RANBP2: variants seen among roughly 807,000 people sequenced by gnomAD.
RANBP2 encodes the protein E3 SUMO-protein ligase RanBP2.
RANBP2 carries 57 observed loss-of-function variants against 303.6 expected under a neutral mutation model. That is an observed-to-expected ratio of 0.19 (90% CI 0.15 to 0.23). The LOEUF (loss-of-function observed/expected upper bound fraction) is 0.23. Ranked by LOEUF, RANBP2 falls within the 10% of genes least tolerant of loss-of-function variation. The pLI is 1.00. For synonymous variants in RANBP2, 1,167 were observed against 1,301.5 expected, an observed-to-expected ratio of 0.90 and a Z score of 2.23; for missense variants, 3,138 against 3,780.8, an observed-to-expected ratio of 0.83 and a Z score of 4.46.
At chr2:109,216,918 ATT>A in the RANBP2 span, among the ~76,000 whole-genome samples, 4 of 151,680 alleles carry the variant, frequency 2.6e-5, no homozygotes, top group African/African-American at 9.7e-5. Context: ...CCAAACCGAA[ATT>A]CTGTCCCCAT....
chr2:108,982,349 C>T, the RANBP2 span, among the ~76,000 whole-genome samples: 67,695 of 152,118 alleles, frequency 0.45, 17,665 homozygotes, highest in South Asian at 0.6. Context: ...TGGTGGGAGG[C>T]TGTCCTGCCA....
the RANBP2 span, among the ~76,000 whole-genome samples, chr2:109,021,495 C>T: frequency 6.9e-6 from 1 of 145,404 alleles, no homozygotes; most frequent in East Asian, 2.1e-4. Flanking sequence ...TGCCCTCCAG[C>T]CTGGGCGACA....
chr2:108,781,559 T>TCA, intron 26 of RANBP2, 130 bp downstream of exon 26: 3 of 808,976 alleles, frequency 3.7e-6, no homozygotes, highest in Non-Finnish European at 5.9e-6. Flanking sequence ...AAGCTCTATT[T>TCA]ATTAGATGTC....
the RANBP2 span, among the ~76,000 whole-genome samples, chr2:109,688,211 G>A: frequency 1.3e-5 from 2 of 152,142 alleles, no homozygotes; most frequent in Non-Finnish European, 2.9e-5. Context: ...GGCAACAGCA[G>A]GAAAGGCCCT....
chr2:109,423,613 G>A, the RANBP2 span, among the ~76,000 whole-genome samples: 1 of 152,180 alleles, frequency 6.6e-6, no homozygotes, highest in East Asian at 1.9e-4. Context: ...ATAAGTCCCT[G>A]CCAGGCTTGG....
Position 108,777,346 on chromosome 2 carries a change from A to AGGT in RANBP2, c.8599+116_8599+117insGTG. On this transcript the variant is annotated intron_variant, in intron 25 of 28. Coordinates refer to ENST00000283195, the MANE Select transcript of RANBP2 (RefSeq NM_006267.5). Reference sequence around the variant, plus strand: ...TTAGAAGTTTCTTCCCTTACCCCCCAGTTTGTTTTAGTGTTTTAATAATGA... The same window carrying AGGT: ...TTAGAAGTTTCTTCCCTTACCCCCCAGGTGTTTGTTTTAGTGTTTTAATAATGA... 2 of 715,148 alleles carry AGGT rather than the reference A, an allele frequency of 2.8e-6. 1 individual carries two copies. Among genetic ancestry groups the AGGT allele is most frequent in the African/African-American group, 6.1e-5 (2 of 32,758 alleles). The allele number at this position is 715,148 out of a possible 1,614,324, so 44.3% of individuals were successfully genotyped here. A position where few individuals can be genotyped will look rare whatever the true frequency, so the allele number is the denominator to read the frequency against.
At chr2:108,834,549 A>G in the RANBP2 span, among the ~76,000 whole-genome samples, 1 of 152,216 alleles carries the variant, frequency 6.6e-6, no homozygotes, top group South Asian at 2.1e-4. Context: ...GTATTGTCAA[A>G]TAGTTGACAT....
At position 108,764,860 on chromosome 2, in the gene RANBP2, A is replaced by T. The variant is rs1201854711; in HGVS notation, c.4321A>T (p.Thr1441Ser). The change falls in exon 20 of 29, where the codon ACA (threonine) becomes TCA (serine). Residue 1441 changes from threonine to serine, a missense_variant. Thr to Ser is a moderately conservative substitution (Grantham distance 58, BLOSUM62 1). Around this residue, in one of 20 missense-constraint regions of RANBP2, gnomAD observed 388 missense variants for 328.5 expected, o/e 1.18. Coordinates refer to ENST00000283195, the MANE Select transcript of RANBP2 (RefSeq NM_006267.5). Reference protein sequence around the residue: ...TVSRCIACQNTKSANKSGSSF... With the variant: ...TVSRCIACQNSKSANKSGSSF... ...ATCTAGGTGCATTGCGTGTCAGAAT[A>T]CAAAATCTGCTAACAAAAGTGGATC... The T allele has an allele frequency of 6.2e-7, 1 of 1,613,928 alleles. No individual in the cohort carries two copies. The highest frequency in any genetic ancestry group is 2.2e-5 in the East Asian group (1 of 44,890).
At chr2:109,121,681 T>G in the RANBP2 span, among the ~76,000 whole-genome samples, 1 of 152,250 alleles carries the variant, frequency 6.6e-6, no homozygotes, top group Admixed American at 6.5e-5. Flanking sequence ...GGGAAAGACT[T>G]TACTGCAGTT....
the RANBP2 span, among the ~76,000 whole-genome samples, chr2:109,163,590 G>A: frequency 1.3e-5 from 2 of 151,012 alleles, no homozygotes; most frequent in African/African-American, 4.9e-5. Flanking sequence ...TAGTAGAGAC[G>A]GGGTTTCACC....
chr2:108,791,631 A>G, the RANBP2 span: 13 of 1,581,810 alleles, frequency 8.2e-6, no homozygotes, highest in East Asian at 4.5e-5. Context: ...TTAAAGTGCT[A>G]TAGTAAACTT....
the RANBP2 span, among the ~76,000 whole-genome samples, chr2:109,201,745 A>G: frequency 3.9e-5 from 6 of 152,314 alleles, no homozygotes; most frequent in Non-Finnish European, 8.8e-5. Flanking sequence ...GGGCACAGCC[A>G]AGCGGTGAAA....
chr2:109,197,548 G>C, the RANBP2 span, among the ~76,000 whole-genome samples: 302 of 152,360 alleles, frequency 2.0e-3, 6 homozygotes, highest in East Asian at 0.043. Flanking sequence ...CACCCTTGAT[G>C]CAGGTGGCCG....
the RANBP2 span, among the ~76,000 whole-genome samples, chr2:109,492,842 GCTC>G: frequency 6.6e-6 from 1 of 152,052 alleles, no homozygotes; most frequent in Non-Finnish European, 1.5e-5. Context: ...ACATGTCACA[GCTC>G]CTCCAGGGGC....
intron 6 of RANBP2, among the ~76,000 whole-genome samples, chr2:108,740,216 T>G (rs1695965963): frequency 6.6e-6 from 1 of 152,212 alleles, no homozygotes; most frequent in South Asian, 2.1e-4. Context: ...AATGTGCACC[T>G]ATAATCACTG....
chr2:108,817,299 C>CTT, the RANBP2 span, among the ~76,000 whole-genome samples: 1 of 144,192 alleles, frequency 6.9e-6, no homozygotes, highest in African/African-American at 2.5e-5. Context: ...AATCTTTTTT[C>CTT]TTTTTTTTTT....
At chr2:109,328,857 C>T in the RANBP2 span, among the ~76,000 whole-genome samples, 1 of 152,178 alleles carries the variant, frequency 6.6e-6, no homozygotes, top group Non-Finnish European at 1.5e-5. Flanking sequence ...GTCTGAGTGT[C>T]AAATATATCC....
chr2:109,309,236 G>T, the RANBP2 span, among the ~76,000 whole-genome samples: 1 of 143,764 alleles, frequency 7.0e-6, no homozygotes, highest in Non-Finnish European at 1.5e-5. Flanking sequence ...GTCTGTTGTT[G>T]GTGTATAAGA....
intron 6 of RANBP2, among the ~76,000 whole-genome samples, chr2:108,738,364 C>T (rs540084996): frequency 1.1e-4 from 16 of 152,036 alleles, no homozygotes; most frequent in Middle Eastern, 3.4e-3. Flanking sequence ...TGTGAGCCAC[C>T]GCGCCCAGCT....
Sources: gnomAD v4.1 joint callset for allele counts (sites outside exome capture counted in the v4.1 genomes callset) on GRCh38, gnomAD v4.1.1 for gene constraint, gnomAD v4.1.1 regional missense constraint, MANE v1.5 for transcripts, NCBI Gene and HGNC (gene_info 2026-07-23, HGNC 2026-07-21) for gene names.